CEACAM6: variants seen among roughly 807,000 people sequenced by gnomAD.
CEACAM6 encodes CEA cell adhesion molecule 6, also known as cell adhesion molecule CEACAM6.
CEACAM6 carries 21 observed loss-of-function variants against 32.4 expected under a neutral mutation model. The ratio of observed to expected loss-of-function variants is 0.65; its 90% CI spans 0.46 to 0.93. CEACAM6 has a LOEUF of 0.93. Among genes scored for constraint, CEACAM6 ranks in the 40% least tolerant of loss-of-function variants. The pLI is 0.00. For synonymous variants in CEACAM6, 184 were observed against 174.4 expected (o/e 1.06, Z -0.43); for missense variants, 406 against 432.2 (o/e 0.94, Z 0.54).
At chr19:41,765,917 A>G (rs1555822345) in intron 4 of CEACAM6, among the ~76,000 whole-genome samples, 1 of 152,236 alleles carries the variant, frequency 6.6e-6, no homozygotes. Context: ...GAAAGTTCTA[A>G]TGACATGCAA....
chr19:41,768,259 T>C (rs1201994951), intron 5 of CEACAM6, among the ~76,000 whole-genome samples: 6 of 152,166 alleles, frequency 3.9e-5, no homozygotes, highest in African/African-American at 1.4e-4. Context: ...TTCCGCAGTG[T>C]TTGTGTCCCT....
At chr19:41,760,656 T>G (rs1048100973) in intron 2 of CEACAM6, among the ~76,000 whole-genome samples, 69 of 152,208 alleles carry the variant, frequency 4.5e-4, no homozygotes, top group African/African-American at 1.7e-3. Flanking sequence ...TGGGAAAAAC[T>G]GCCCCACCTG....
intron 1 of CEACAM6, 42 bp from the exon 2 acceptor site, chr19:41,756,558 C>T: frequency 6.3e-7 from 1 of 1,587,524 alleles, no homozygotes; most frequent in Non-Finnish European, 8.6e-7. Flanking sequence ...CACCCTAATG[C>T]ATAGGTCCCA....
intron 5 of CEACAM6, among the ~76,000 whole-genome samples, chr19:41,768,710 C>G (rs1336420316): frequency 6.9e-6 from 1 of 145,134 alleles, no homozygotes; most frequent in Admixed American, 6.8e-5. Context: ...CCAGACGGGG[C>G]GGCTGGCCGG....
At chr19:41,765,843 C>G (rs1487455780) in intron 4 of CEACAM6, among the ~76,000 whole-genome samples, 1 of 152,216 alleles carries the variant, frequency 6.6e-6, no homozygotes, top group East Asian at 1.9e-4. Flanking sequence ...AGAGCTCCAA[C>G]AGGCTCTTAT....
At chr19:41,759,031 C>G (rs2072907029) in intron 2 of CEACAM6, among the ~76,000 whole-genome samples, 1 of 152,226 alleles carries the variant, frequency 6.6e-6, no homozygotes, top group African/African-American at 2.4e-5. Context: ...ACTCACCAGG[C>G]AGTCAGAGGC....
chr19:41,769,833 C>T (rs548644932), intron 5 of CEACAM6, among the ~76,000 whole-genome samples: 21 of 146,890 alleles, frequency 1.4e-4, no homozygotes, highest in East Asian at 5.9e-4. Flanking sequence ...TATTATTTAA[C>T]GACTAATTGT....
At chr19:41,765,307 G>GC (rs1555822302) in intron 4 of CEACAM6, among the ~76,000 whole-genome samples, 1 of 152,190 alleles carries the variant, frequency 6.6e-6, no homozygotes, top group African/African-American at 2.4e-5. Flanking sequence ...TCTAGGACAT[G>GC]CCCCTCAACA....
chr19:41,762,147 CG>C lies in CEACAM6; in HGVS notation c.884del (p.Gly295AspfsTer21). 1 of 1,614,164 alleles carries C rather than the reference CG, an allele frequency of 6.2e-7. No individual in the cohort carries two copies. The highest frequency in any genetic ancestry group is 8.5e-7 in the Non-Finnish European group (1 of 1,180,022). ...FIPNITVNNS[G>X]SYMCQAHNSA... ...TCCCCAACATCACTGTGAATAATAG[CG>C]GATCCTATATGTGCCAAGCCCATAA... On this transcript the variant is annotated frameshift_variant, in exon 4 of 6. Transcript: ENST00000199764. LOFTEE classifies it high-confidence loss of function.
chr19:41,771,337 C>T lies in CEACAM6; in HGVS notation c.*576C>T, dbSNP rs1384252766. On this transcript the variant is annotated 3_prime_UTR_variant, in exon 6 of 6. Coordinates refer to ENST00000199764, the MANE Select transcript of CEACAM6 (RefSeq NM_002483.7). ...CTTTTCAGAGTTGGACTTCTAGACT[C>T]ACCTGTTCTCACTCCCTGTTTTAAT... 15 of 152,186 alleles carry T rather than the reference C, an allele frequency of 9.9e-5. No homozygotes were observed. Among genetic ancestry groups the T allele is most frequent in the African/African-American group, 3.4e-4 (14 of 41,430 alleles). 9.4% of individuals were successfully genotyped at this position (152,186 alleles called of 1,614,324 possible). A position where few individuals can be genotyped will look rare whatever the true frequency, so the allele number is the denominator to read the frequency against.
chr19:41,768,400 G>T (rs1474060706), intron 5 of CEACAM6, among the ~76,000 whole-genome samples: 1 of 152,192 alleles, frequency 6.6e-6, no homozygotes, highest in African/African-American at 2.4e-5. Context: ...ATGTTTCAGA[G>T]AGCACAAGTT....
intron 2 of CEACAM6, among the ~76,000 whole-genome samples, chr19:41,758,962 C>T (rs371666098): frequency 8.5e-5 from 13 of 152,148 alleles, no homozygotes; most frequent in African/African-American, 1.7e-4. Flanking sequence ...CCAGTGAGGC[C>T]GACATGTGGA....
At chr19:41,755,755 C>T in intron 1 of CEACAM6, 53 bp downstream of exon 1, 2 of 1,486,564 alleles carry the variant, frequency 1.3e-6, no homozygotes, top group South Asian at 1.2e-5. Flanking sequence ...CAGAGACTGG[C>T]TAGGGTCTCC....
chr19:41,768,779 C>T (rs974325695), intron 5 of CEACAM6, among the ~76,000 whole-genome samples: 6 of 152,128 alleles, frequency 3.9e-5, no homozygotes, highest in Non-Finnish European at 8.8e-5. Context: ...GGCAGAGGGG[C>T]TCCTCACTTC....
chr19:41,765,230 C>T (rs1045924358), intron 4 of CEACAM6, among the ~76,000 whole-genome samples: 3 of 152,196 alleles, frequency 2.0e-5, no homozygotes, highest in Non-Finnish European at 2.9e-5. Context: ...GAAATAATGT[C>T]TACCCAAGAG....
chr19:41,756,486 ACACACACG>A, intron 1 of CEACAM6, 106 bp from the exon 2 acceptor site: 6 of 1,468,154 alleles, frequency 4.1e-6, no homozygotes, highest in South Asian at 1.3e-5. Flanking sequence ...ACACACACAC[ACACACACG>A]CTCCAACGTG....
chr19:41,761,332 G>A lies in CEACAM6; in HGVS notation c.508G>A (p.Glu170Lys). Residue 170 changes from glutamate (E) to lysine (K), a missense_variant, in exon 3 of 6, where the codon GAG (glutamate) becomes AAG (lysine). Glu to Lys is a moderately conservative substitution (Grantham distance 56, BLOSUM62 1). Transcript: ENST00000199764. ...TGCTGTGGCCTTCACCTGTGAACCT[G>A]AGGTTCAGAACACAACCTACCTGTG... ...KDAVAFTCEP[E>K]VQNTTYLWWV... 6.2e-7 allele frequency: 1 copy of A among 1,614,218 alleles called. No homozygotes were observed. Among genetic ancestry groups the A allele is most frequent in the East Asian group, 2.2e-5 (1 of 44,884 alleles).
chr19:41,769,907 A>G (rs2072983379), intron 5 of CEACAM6, among the ~76,000 whole-genome samples: 1 of 149,776 alleles, frequency 6.7e-6, no homozygotes, highest in Non-Finnish European at 1.5e-5. Context: ...CTCAATAAAA[A>G]TCTGCTCCCT....
intron 2 of CEACAM6, among the ~76,000 whole-genome samples, 176 bp downstream of exon 2, chr19:41,757,135 T>C (rs563304074): frequency 6.6e-6 from 1 of 152,154 alleles, no homozygotes; most frequent in East Asian, 1.9e-4. Context: ...CAGAATTCCT[T>C]TCCTGGATCC....
Sources: gnomAD v4.1 joint callset for allele counts (sites outside exome capture counted in the v4.1 genomes callset) on GRCh38, gnomAD v4.1.1 for gene constraint, MANE v1.5 for transcripts, NCBI Gene and HGNC (gene_info 2026-07-23, HGNC 2026-07-21) for gene names.